Variants in PCNX2 observed in about 807,000 individuals in gnomAD.
PCNX2 encodes pecanex-like protein 2.
Under a neutral mutation model 223.8 loss-of-function variants are expected in PCNX2, and 168 were observed. That is an observed-to-expected ratio of 0.75 (90% CI 0.66 to 0.85). The LOEUF is 0.85. Among genes scored for constraint, PCNX2 ranks in the 40% least tolerant of loss-of-function variants. The pLI, the probability that PCNX2 is intolerant of heterozygous loss-of-function variation, is 0.00. For synonymous variants in PCNX2, 1,006 were observed against 1,052.6 expected, an observed-to-expected ratio of 0.96 and a Z score of 0.86; for missense variants, 2,507 against 2,675.5, an observed-to-expected ratio of 0.94 and a Z score of 1.39.
intron 1 of PCNX2, among the ~76,000 whole-genome samples, chr1:233,285,941 G>A (rs1661425533): frequency 6.6e-6 from 1 of 152,170 alleles, no homozygotes; most frequent in East Asian, 1.9e-4. Context: ...CATCAAGAGG[G>A]ACAACAGGGC....
chr1:232,989,755 T>C (rs554484820), intron 32 of PCNX2, among the ~76,000 whole-genome samples: 1 of 152,336 alleles, frequency 6.6e-6, no homozygotes, highest in South Asian at 2.1e-4. Flanking sequence ...TCCAGTGAGC[T>C]TCAGAAAGTT....
At chr1:233,047,343 G>C in intron 25 of PCNX2, 1 of 972,450 alleles carries the variant, frequency 1.0e-6, no homozygotes, top group Non-Finnish European at 1.2e-6. Context: ...GGAGCTGACA[G>C]ACAGAAAAAG....
intron 1 of PCNX2, among the ~76,000 whole-genome samples, chr1:233,276,775 C>T (rs74147360): frequency 3.3e-5 from 5 of 152,204 alleles, no homozygotes; most frequent in Non-Finnish European, 2.9e-5. Flanking sequence ...TCAAGCTCCA[C>T]GTTCATTTAG....
intron 10 of PCNX2, among the ~76,000 whole-genome samples, chr1:233,226,177 G>A (rs1405614000): frequency 6.6e-6 from 1 of 152,146 alleles, no homozygotes; most frequent in Non-Finnish European, 1.5e-5. Flanking sequence ...CTCAGCCCCT[G>A]AACATCATAA....
At chr1:233,137,744 C>G (rs1398058627) in intron 20 of PCNX2, among the ~76,000 whole-genome samples, 1 of 152,158 alleles carries the variant, frequency 6.6e-6, no homozygotes, top group Non-Finnish European at 1.5e-5. Flanking sequence ...TGCCCTGGAA[C>G]AGATGGAGAG....
rs201161672 is a variant in PCNX2, at chr1:233,143,941, G to GA, written c.3518-4087dup. Among the ~76,000 whole-genome samples the GA allele has an allele frequency of 2.6e-3, 398 of 150,788 alleles. 2 individuals carry two copies. Among genetic ancestry groups the GA allele is most frequent in the African/African-American group, 9.1e-3 (374 of 41,124 alleles). Reference sequence around the variant, plus strand: ...TCTCTTTACCGAATCATTCTCATCAGAAAAAAAAATTGCTATAATATCTTC... The same window carrying GA: ...TCTCTTTACCGAATCATTCTCATCAGAAAAAAAAAATTGCTATAATATCTTC... On this transcript the variant is annotated intron_variant, in intron 19 of 33. Coordinates refer to ENST00000258229, the MANE Select transcript of PCNX2 (RefSeq NM_014801.4).
intron 24 of PCNX2, 97 bp from the exon 25 acceptor site, chr1:233,054,580 T>A: frequency 1.0e-6 from 1 of 960,428 alleles, no homozygotes; most frequent in Non-Finnish European, 1.6e-6. Flanking sequence ...AAGGGTAAAA[T>A]CAGACTCTTT....
chr1:233,228,902 G>T (rs555178772), intron 9 of PCNX2, among the ~76,000 whole-genome samples: 1 of 152,188 alleles, frequency 6.6e-6, no homozygotes, highest in East Asian at 1.9e-4. Context: ...TGGATTTAAG[G>T]TTATGATTTC....
At chr1:233,110,237 A>G (rs1436333076) in intron 21 of PCNX2, among the ~76,000 whole-genome samples, 1 of 152,244 alleles carries the variant, frequency 6.6e-6, no homozygotes, top group African/African-American at 2.4e-5. Flanking sequence ...TGCTGAAAAC[A>G]AACGACAAAA....
At chr1:233,170,837 C>T (rs1679106457) in intron 17 of PCNX2, among the ~76,000 whole-genome samples, 1 of 152,206 alleles carries the variant, frequency 6.6e-6, no homozygotes, top group Admixed American at 6.5e-5. Flanking sequence ...AAGCTACATG[C>T]TTTGTTTCTA....
intron 21 of PCNX2, among the ~76,000 whole-genome samples, chr1:233,101,393 A>C (rs1674478689): frequency 6.6e-6 from 1 of 152,192 alleles, no homozygotes; most frequent in African/African-American, 2.4e-5. Flanking sequence ...ATAGTAGCTG[A>C]CAATATGAGA....
chr1:233,263,591 G>A (rs1459556050), intron 1 of PCNX2, among the ~76,000 whole-genome samples: 3 of 151,966 alleles, frequency 2.0e-5, no homozygotes, highest in Non-Finnish European at 4.4e-5. Context: ...GAGGAGCTGG[G>A]ATTACAGGCA....
intron 25 of PCNX2, chr1:233,031,816 G>A (rs1671278164): frequency 1.0e-6 from 1 of 982,790 alleles, no homozygotes; most frequent in African/African-American, 1.8e-5. Flanking sequence ...ACATTTCAAG[G>A]GTCTCTTAAC....
rs1671331305 is a variant in PCNX2, at chr1:233,033,202, T to A, written c.4352-7803A>T. The stretch of plus-strand genomic sequence containing the variant: ...CTGTGTTTGCACTGTCACACCTTTG[T>A]CACACCTACCAATGCCAAGCCCAGC... On this transcript the variant is annotated intron_variant, in intron 25 of 33. Transcript: ENST00000258229. The A allele has an allele frequency of 1.7e-5, 17 of 985,294 alleles. No homozygotes were observed. The South Asian group carries it at 7.0e-4, about 41-fold the overall frequency. The allele number at this position is 985,294 out of a possible 1,614,324, so 61.0% of individuals were successfully genotyped here. A position where few individuals can be genotyped will look rare whatever the true frequency, so the allele number is the denominator to read the frequency against.
chr1:233,298,527 G>A (rs1662207118), upstream of PCNX2, among the ~76,000 whole-genome samples: 1 of 152,170 alleles, frequency 6.6e-6, no homozygotes, highest in Admixed American at 6.5e-5. Flanking sequence ...GGAGGTGAGC[G>A]TGATCTAAAT....
In PCNX2 at chr1:233,067,703, G is replaced by C. The variant is rs572702555; in HGVS notation, c.4077-10413C>G. ...GGCCACACTGGTCTTGAACTCCTGA[G>C]CTCAAGTGATCCACCGGCCTCGGCC... On this transcript the variant is annotated intron_variant, in intron 23 of 33. Transcript: ENST00000258229. Among the ~76,000 whole-genome samples, 360 of 152,134 alleles carry C rather than the reference G, an allele frequency of 2.4e-3. 1 individual carries two copies. Among genetic ancestry groups the C allele is most frequent in the African/African-American group, 8.4e-3 (349 of 41,524 alleles).
At chr1:233,115,495 A>C (rs1675356676) in intron 21 of PCNX2, among the ~76,000 whole-genome samples, 1 of 152,232 alleles carries the variant, frequency 6.6e-6, no homozygotes, top group African/African-American at 2.4e-5. Context: ...ACATGGCCTA[A>C]CTCTTAGAGT....
the PCNX2 span, among the ~76,000 whole-genome samples, chr1:233,313,987 C>T: frequency 9.2e-4 from 140 of 152,248 alleles, no homozygotes; most frequent in African/African-American, 3.3e-3. Context: ...CCCTTTGACT[C>T]GGGAATCCCA....
At chr1:233,039,649 T>C (rs1043413101) in intron 25 of PCNX2, among the ~76,000 whole-genome samples, 1 of 152,062 alleles carries the variant, frequency 6.6e-6, no homozygotes, top group Non-Finnish European at 1.5e-5. Flanking sequence ...TCTAATAGAG[T>C]CTGACTTAGT....
Sources: allele counts gnomAD v4.1 joint callset (sites outside exome capture counted in the v4.1 genomes callset), GRCh38; gene constraint gnomAD v4.1.1; transcripts MANE v1.5; gene names NCBI Gene and HGNC (gene_info 2026-07-23, HGNC 2026-07-21).